Variants in ZNF385D observed in about 807,000 individuals in gnomAD.
ZNF385D encodes the protein zinc finger protein 659.
In ZNF385D, 15 loss-of-function variants were observed where a neutral mutation model predicts 35.8. That is an observed-to-expected ratio of 0.42 (90% CI 0.28 to 0.64). The LOEUF is 0.64. Among genes scored for constraint, ZNF385D ranks in the 30% least tolerant of loss-of-function variants. The pLI, the probability that ZNF385D is intolerant of heterozygous loss-of-function variation, is 0.23. For synonymous variants in ZNF385D, 212 were observed against 186.8 expected, an observed-to-expected ratio of 1.13 and a Z score of -1.10; for missense variants, 474 against 494.6, an observed-to-expected ratio of 0.96 and a Z score of 0.39.
chr3:21,770,357 T>C (rs1308371694), intron 3 of ZNF385D, among the ~76,000 whole-genome samples: 1 of 151,878 alleles, frequency 6.6e-6, no homozygotes, highest in East Asian at 1.9e-4. Flanking sequence ...AGGGCTAATA[T>C]CCAGAATCTA....
rs76484002 is a variant in ZNF385D, at chr3:21,694,978, T to C, written c.23-29950A>G. 1.4e-3 allele frequency among the ~76,000 whole-genome samples: 212 copies of C among 152,114 alleles called. 2 individuals carry two copies. The highest frequency in any genetic ancestry group is 4.7e-3 in the African/African-American group (197 of 41,496). The stretch of plus-strand genomic sequence containing the variant: ...CTTTTAAAGTGAGTCAGTCCCGGAG[T>C]TGAATTTTAGCTCCACCACAAAATT... On this transcript the variant is annotated intron_variant, in intron 1 of 7. Transcript: ENST00000281523.
intron 3 of ZNF385D, among the ~76,000 whole-genome samples, chr3:21,850,890 A>T (rs181549914): frequency 6.6e-6 from 1 of 152,234 alleles, no homozygotes; most frequent in Admixed American, 6.5e-5. Flanking sequence ...GCCAAAACAA[A>T]ACTGAACATT....
At chr3:22,336,225 A>G (rs1264114874) in intron 2 of ZNF385D, among the ~76,000 whole-genome samples, 1 of 152,168 alleles carries the variant, frequency 6.6e-6, no homozygotes, top group Non-Finnish European at 1.5e-5. Flanking sequence ...ATTTTAAACA[A>G]AGCCGCATTC....
intron 3 of ZNF385D, among the ~76,000 whole-genome samples, chr3:21,759,241 G>A (rs936171701): frequency 2.0e-5 from 3 of 152,080 alleles, no homozygotes; most frequent in Non-Finnish European, 4.4e-5. Flanking sequence ...TACAGGTGGT[G>A]GAACTTAAGC....
intron 2 of ZNF385D, among the ~76,000 whole-genome samples, chr3:22,302,921 G>C (rs1424092778): frequency 6.6e-6 from 1 of 152,008 alleles, no homozygotes; most frequent in Non-Finnish European, 1.5e-5. Context: ...ATGACAGGGA[G>C]TTTTCATCTG....
At chr3:21,898,178 A>G (rs1181068792) in intron 3 of ZNF385D, among the ~76,000 whole-genome samples, 4 of 152,198 alleles carry the variant, frequency 2.6e-5, no homozygotes, top group African/African-American at 9.6e-5. Context: ...AAAAGAAACA[A>G]TGCACAATAA....
intron 2 of ZNF385D, among the ~76,000 whole-genome samples, chr3:22,321,300 CTT>C (rs1694417582): frequency 6.7e-6 from 1 of 150,312 alleles, no homozygotes; most frequent in South Asian, 2.1e-4. Flanking sequence ...TTTTAAAACT[CTT>C]TCTACAAGTC....
intron 1 of ZNF385D, among the ~76,000 whole-genome samples, chr3:21,748,140 A>T (rs1223133894): frequency 1.3e-5 from 2 of 152,230 alleles, no homozygotes; most frequent in African/African-American, 4.8e-5. Flanking sequence ...ATGAACGATT[A>T]TTGAAAACAC....
At chr3:21,851,175 T>C (rs1259328812) in intron 3 of ZNF385D, among the ~76,000 whole-genome samples, 1 of 151,650 alleles carries the variant, frequency 6.6e-6, no homozygotes, top group Non-Finnish European at 1.5e-5. Flanking sequence ...ACTATAGAAG[T>C]AAAAACAAAA....
chr3:22,130,933 A>G (rs752371556), intron 3 of ZNF385D, among the ~76,000 whole-genome samples: 127 of 152,144 alleles, frequency 8.3e-4, no homozygotes, highest in Non-Finnish European at 1.4e-3. Context: ...ATACTAGTGT[A>G]GGCATTAATT....
At chr3:21,891,912 T>C (rs896948485) in intron 3 of ZNF385D, among the ~76,000 whole-genome samples, 1 of 152,192 alleles carries the variant, frequency 6.6e-6, no homozygotes, top group Non-Finnish European at 1.5e-5. Context: ...CTCTGTCTGC[T>C]TAATAGCTTT....
intron 3 of ZNF385D, among the ~76,000 whole-genome samples, chr3:22,096,549 G>A (rs994087126): frequency 6.6e-6 from 1 of 151,938 alleles, no homozygotes; most frequent in Non-Finnish European, 1.5e-5. Context: ...GAATACTTGA[G>A]ACTTTCTTGC....
At position 22,130,150 on chromosome 3, in the gene ZNF385D, G is replaced by A. The variant is rs546979115; in HGVS notation, c.325+38667C>T. Among the ~76,000 whole-genome samples, 12 of 152,220 alleles carry A rather than the reference G, an allele frequency of 7.9e-5. No homozygotes were observed. The South Asian group carries it at 2.3e-3, about 29-fold the overall frequency. On this transcript the variant is annotated intron_variant, in intron 3 of 5. Transcript: ENST00000494108. ...CCTGGAATGGGGACTTCAGGACTCT[G>A]CTTGCTGCTTCATTTTTACTGTGGC...
chr3:21,784,754 T>A (rs2071620470), intron 3 of ZNF385D, among the ~76,000 whole-genome samples: 2 of 152,046 alleles, frequency 1.3e-5, no homozygotes, highest in South Asian at 4.1e-4. Flanking sequence ...AAAAAGAACC[T>A]ATAACAAAGA....
At chr3:21,514,420 A>C (rs1223669435) in intron 3 of ZNF385D, among the ~76,000 whole-genome samples, 2 of 152,136 alleles carry the variant, frequency 1.3e-5, no homozygotes, top group South Asian at 2.1e-4. Flanking sequence ...ATTTTTATTA[A>C]ATTGAATTAA....
At chr3:21,749,069 A>G (rs2069926126) in intron 1 of ZNF385D, among the ~76,000 whole-genome samples, 1 of 152,216 alleles carries the variant, frequency 6.6e-6, no homozygotes. Context: ...TCTTATACCA[A>G]AATTATGGTA....
intron 2 of ZNF385D, among the ~76,000 whole-genome samples, chr3:22,198,053 T>C (rs1187384022): frequency 2.0e-5 from 3 of 152,236 alleles, no homozygotes; most frequent in East Asian, 1.9e-4. Context: ...TATTCATTAA[T>C]TCTCATATAC....
chr3:22,219,188 ATTCT>A (rs961242879), intron 2 of ZNF385D, among the ~76,000 whole-genome samples: 2 of 152,072 alleles, frequency 1.3e-5, no homozygotes, highest in African/African-American at 4.8e-5. Context: ...AAGACATATT[ATTCT>A]TTGATTATTT....
chr3:22,028,238 TCAG>T (rs1273614944), intron 3 of ZNF385D, among the ~76,000 whole-genome samples: 1 of 152,158 alleles, frequency 6.6e-6, no homozygotes, highest in Admixed American at 6.5e-5. Context: ...ACATGTGACC[TCAG>T]CAGAAGAGAA....
Sources: gnomAD v4.1 joint callset for allele counts (sites outside exome capture counted in the v4.1 genomes callset) on GRCh38, gnomAD v4.1.1 for gene constraint, MANE v1.5 for transcripts, NCBI Gene and HGNC (gene_info 2026-07-23, HGNC 2026-07-21) for gene names.